AFF1: variants seen among roughly 807,000 people sequenced by gnomAD.
The protein encoded by AFF1 is ALF transcription elongation factor 1.
A neutral mutation model predicts 121.7 loss-of-function variants in AFF1; 48 were observed. That is an observed-to-expected ratio of 0.39 (90% CI 0.31 to 0.50). The LOEUF (loss-of-function observed/expected upper bound fraction) is 0.50. AFF1 is among the 20% of genes least tolerant of loss of function. The pLI, the probability that AFF1 is intolerant of heterozygous loss-of-function variation, is 0.76. For synonymous variants in AFF1, 613 were observed against 563.0 expected (o/e 1.09, Z -1.26); for missense variants, 1,523 against 1,511.7 (o/e 1.01, Z -0.12).
In AFF1 at chr4:87,136,739, G is replaced by A. The variant is rs146643505; in HGVS notation, c.*1038G>A. The A allele has an allele frequency of 4.4e-6, 1 of 228,242 alleles. No homozygotes were observed. The highest frequency in any genetic ancestry group is 2.2e-5 in the African/African-American group (1 of 45,146). The allele number at this position is 228,242 out of a possible 1,614,324, so 14.1% of individuals were successfully genotyped here. On this transcript the variant is annotated 3_prime_UTR_variant, in exon 21 of 21. Coordinates refer to ENST00000395146, the MANE Select transcript of AFF1 (RefSeq NM_001166693.3). The stretch of plus-strand genomic sequence containing the variant: ...CCAGCCAACTCAGAGTTTCGTCAGT[G>A]AACAAGAAACATGAAATCTGCTTCT...
At chr4:86,990,165 TTATAATAA>T (rs1284249181) in intron 2 of AFF1, among the ~76,000 whole-genome samples, 2 of 76,780 alleles carry the variant, frequency 2.6e-5, no homozygotes, top group Non-Finnish European at 3.6e-5. Context: ...AGAACTTAAA[TTATAATAA>T]TAATAATAAT....
chr4:86,956,380 T>A (rs1483432640), intron 2 of AFF1, among the ~76,000 whole-genome samples: 2 of 152,202 alleles, frequency 1.3e-5, no homozygotes, highest in Non-Finnish European at 2.9e-5. Context: ...AAATTTTGCA[T>A]ATAAGAAGAC....
intron 4 of AFF1, among the ~76,000 whole-genome samples, chr4:87,055,436 C>T (rs2149636707): frequency 6.6e-6 from 1 of 152,204 alleles, no homozygotes. Context: ...GCCAGAAGTA[C>T]ATTTGGTACC....
At chr4:87,030,556 A>T (rs1728971947) in intron 2 of AFF1, among the ~76,000 whole-genome samples, 1 of 152,118 alleles carries the variant, frequency 6.6e-6, no homozygotes, top group Admixed American at 6.5e-5. Flanking sequence ...TTTTACTTAC[A>T]AGTCTGAAAC....
chr4:87,006,247 G>C (rs1726110205), intron 2 of AFF1, among the ~76,000 whole-genome samples: 1 of 152,134 alleles, frequency 6.6e-6, no homozygotes, highest in African/African-American at 2.4e-5. Context: ...CAGCTCCTCC[G>C]GTGTGCTGGT....
At chr4:87,041,365 TG>T (rs1384603422) in intron 2 of AFF1, among the ~76,000 whole-genome samples, 1 of 152,176 alleles carries the variant, frequency 6.6e-6, no homozygotes, top group East Asian at 1.9e-4. Context: ...TTTTGTATTT[TG>T]GTAAGCCCCA....
chr4:87,042,425 C>A lies in AFF1; in HGVS notation c.39-3741C>A, dbSNP rs571583522. The stretch of plus-strand genomic sequence containing the variant: ...CTACTCTGTGAACTTCCTGCCTCTT[C>A]GGTCTTCCTCTGCCCTGCCCAGGAG... On this transcript the variant is annotated intron_variant, in intron 2 of 20. Coordinates refer to ENST00000395146, the MANE Select transcript of AFF1 (RefSeq NM_001166693.3). Among the ~76,000 whole-genome samples the A allele has an allele frequency of 5.9e-5, 9 of 152,306 alleles. No individual in the cohort carries two copies. The South Asian group carries it at 1.9e-3, about 32-fold the overall frequency.
At chr4:87,062,207 C>T (rs1035760724) in intron 4 of AFF1, among the ~76,000 whole-genome samples, 13 of 152,284 alleles carry the variant, frequency 8.5e-5, no homozygotes, top group East Asian at 1.9e-4. Context: ...ATTTATTTCT[C>T]GCAGTTTTAG....
chr4:87,107,141 T>C (rs1388595199), intron 10 of AFF1, among the ~76,000 whole-genome samples: 1 of 152,234 alleles, frequency 6.6e-6, no homozygotes, highest in African/African-American at 2.4e-5. Context: ...GAGGAAATTA[T>C]ATAGTGGTAT....
At chr4:86,996,375 T>C (rs1435305767) in intron 2 of AFF1, among the ~76,000 whole-genome samples, 1 of 151,896 alleles carries the variant, frequency 6.6e-6, no homozygotes, top group East Asian at 1.9e-4. Context: ...TTTTGTTCTG[T>C]ACTAAGAAAA....
At chr4:86,961,823 C>G (rs779359328) in intron 2 of AFF1, among the ~76,000 whole-genome samples, 1 of 152,026 alleles carries the variant, frequency 6.6e-6, no homozygotes, top group Non-Finnish European at 1.5e-5. Context: ...GGTGGCTGCC[C>G]TGTTAATAAA....
At chr4:86,999,267 C>G (rs527977392) in intron 2 of AFF1, among the ~76,000 whole-genome samples, 17 of 152,308 alleles carry the variant, frequency 1.1e-4, no homozygotes, top group African/African-American at 4.1e-4. Context: ...ATAGGAAGCT[C>G]TCTTTGAATT....
chr4:87,001,892 G>C (rs1336632549), intron 2 of AFF1, among the ~76,000 whole-genome samples: 2 of 152,044 alleles, frequency 1.3e-5, no homozygotes, highest in East Asian at 3.9e-4. Context: ...CCCTTCTCTT[G>C]GCAAAGTGAT....
chr4:87,048,591 T>C (rs553075200), intron 4 of AFF1, among the ~76,000 whole-genome samples: 2 of 152,336 alleles, frequency 1.3e-5, no homozygotes, highest in South Asian at 4.1e-4. Context: ...TCCAGATATG[T>C]TTTACATAAT....
At chr4:87,078,420 T>C (rs1049633957) in intron 4 of AFF1, among the ~76,000 whole-genome samples, 1 of 152,154 alleles carries the variant, frequency 6.6e-6, no homozygotes, top group Non-Finnish European at 1.5e-5. Flanking sequence ...TGGCACCCTG[T>C]GATTCAGTGA....
chr4:87,087,199 G>A (rs561550110), intron 5 of AFF1, among the ~76,000 whole-genome samples: 8 of 152,314 alleles, frequency 5.3e-5, no homozygotes, highest in Admixed American at 5.2e-4. Flanking sequence ...CTATTTATAT[G>A]TTCATTTGTT....
intron 2 of AFF1, among the ~76,000 whole-genome samples, chr4:87,031,338 T>G (rs1448936312): frequency 6.6e-6 from 1 of 152,216 alleles, no homozygotes; most frequent in African/African-American, 2.4e-5. Flanking sequence ...TCCCTGTTCT[T>G]AATTAATTAA....
intron 2 of AFF1, chr4:87,006,944 A>G (rs977173758): frequency 1.8e-5 from 18 of 1,014,924 alleles, no homozygotes; most frequent in Admixed American, 1.2e-4. Flanking sequence ...CTTTCTTGAC[A>G]GGGGGTATCC....
chr4:86,988,094 T>C (rs887001192), intron 2 of AFF1, among the ~76,000 whole-genome samples: 1 of 151,530 alleles, frequency 6.6e-6, no homozygotes, highest in Non-Finnish European at 1.5e-5. Flanking sequence ...ATACATTAGA[T>C]ACATTTATAC....
Sources: gnomAD v4.1 joint callset for allele counts (sites outside exome capture counted in the v4.1 genomes callset) on GRCh38, gnomAD v4.1.1 for gene constraint, MANE v1.5 for transcripts, NCBI Gene and HGNC (gene_info 2026-07-23, HGNC 2026-07-21) for gene names.